Variants in PRKAR1B observed in about 807,000 individuals in gnomAD.
PRKAR1B encodes the protein protein kinase cAMP-dependent type I regulatory subunit beta.
In PRKAR1B, 22 loss-of-function variants were observed where a neutral mutation model predicts 46.5. That is an observed-to-expected ratio of 0.47 (90% CI 0.34 to 0.68). The LOEUF is 0.68. Among genes scored for constraint, PRKAR1B ranks in the 30% least tolerant of loss-of-function variants. The pLI, the probability that PRKAR1B is intolerant of heterozygous loss-of-function variation, is 0.01. For missense variants in PRKAR1B, 445 were observed against 535.6 expected, an observed-to-expected ratio of 0.83 and a Z score of 1.67; for synonymous variants, 259 against 217.7, an observed-to-expected ratio of 1.19 and a Z score of -1.67.
At chr7:572,037 T>TCCTGGGG (rs544185534) in intron 9 of PRKAR1B, among the ~76,000 whole-genome samples, 1 of 152,174 alleles carries the variant, frequency 6.6e-6, no homozygotes, top group Non-Finnish European at 1.5e-5. Context: ...CATTTAGAGC[T>TCCTGGGG]CCTGGGGCCT....
At chr7:635,806 T>C (rs1404238768) in intron 4 of PRKAR1B, among the ~76,000 whole-genome samples, 1 of 151,956 alleles carries the variant, frequency 6.6e-6, no homozygotes, top group Non-Finnish European at 1.5e-5. Flanking sequence ...TTGGTCCAAA[T>C]CACAGCTCCG....
chr7:691,609 C>T (rs1338530187), intron 2 of PRKAR1B: 16 of 1,303,902 alleles, frequency 1.2e-5, no homozygotes, highest in East Asian at 5.5e-5. Context: ...GTGAGGTGGA[C>T]GCCCTGCCGT....
At chr7:686,856 C>G (rs780559943) in intron 2 of PRKAR1B, among the ~76,000 whole-genome samples, 20 of 152,082 alleles carry the variant, frequency 1.3e-4, no homozygotes, top group Non-Finnish European at 2.1e-4. Flanking sequence ...GAGGTTTCAA[C>G]ACATTTGCAG....
chr7:583,426 G>GCACACGTGCA (rs1780336437), intron 8 of PRKAR1B, among the ~76,000 whole-genome samples: 1 of 52,382 alleles, frequency 1.9e-5, no homozygotes, highest in African/African-American at 9.0e-5. Context: ...ACGCACACAC[G>GCACACGTGCA]CACACACCCA....
chr7:701,510 G>C (rs1780068971), intron 2 of PRKAR1B, among the ~76,000 whole-genome samples: 1 of 152,002 alleles, frequency 6.6e-6, no homozygotes, highest in African/African-American at 2.4e-5. Flanking sequence ...ATGTTGAAAG[G>C]TATAAATATT....
chr7:637,262 T>C (rs1013922570), intron 4 of PRKAR1B, among the ~76,000 whole-genome samples: 1 of 151,660 alleles, frequency 6.6e-6, no homozygotes, highest in African/African-American at 2.4e-5. Flanking sequence ...TAACTAAAAA[T>C]ACAAAAATTA....
intron 4 of PRKAR1B, among the ~76,000 whole-genome samples, chr7:657,445 T>C (rs1168911324): frequency 3.3e-5 from 5 of 152,186 alleles, no homozygotes; most frequent in Admixed American, 6.5e-5. Context: ...GAATGATTCA[T>C]GCTGACCTCT....
intron 2 of PRKAR1B, among the ~76,000 whole-genome samples, chr7:699,619 C>A (rs1779955476): frequency 6.6e-6 from 1 of 152,256 alleles, no homozygotes; most frequent in Non-Finnish European, 1.5e-5. Flanking sequence ...AAGACAGGGT[C>A]GTGGTGAGAG....
chr7:583,398 CCA>C (rs1780327504), intron 8 of PRKAR1B, among the ~76,000 whole-genome samples: 1 of 149,312 alleles, frequency 6.7e-6, no homozygotes, highest in South Asian at 2.2e-4. Context: ...CTCACACCCC[CCA>C]CACGTGTGCA....
chr7:727,244 TG>T lies in PRKAR1B; in HGVS notation c.-58del. ...GCTCTGCGCGCGCTGCGCTGCTCCCTGCTCGACCCCTTCGCCGCCGTGCGCC... is the reference window on the plus strand; with the variant it reads ...GCTCTGCGCGCGCTGCGCTGCTCCCTCTCGACCCCTTCGCCGCCGTGCGCC... On this transcript the variant is annotated 5_prime_UTR_variant, in exon 1 of 11. Coordinates refer to ENST00000537384, the MANE Select transcript of PRKAR1B (RefSeq NM_001164760.2). 1 of 1,349,526 alleles carries T rather than the reference TG, an allele frequency of 7.4e-7. No individual in the cohort carries two copies. Among genetic ancestry groups the T allele is most frequent in the South Asian group, 1.7e-5 (1 of 57,286 alleles). 83.6% of individuals were successfully genotyped at this position (1,349,526 alleles called of 1,614,324 possible).
intron 4 of PRKAR1B, among the ~76,000 whole-genome samples, chr7:633,756 C>A (rs985658355): frequency 6.6e-6 from 1 of 152,160 alleles, no homozygotes; most frequent in Non-Finnish European, 1.5e-5. Flanking sequence ...AGGAGCTGCC[C>A]ACCTTGGAAA....
At chr7:617,813 C>T (rs1782913775) in intron 4 of PRKAR1B, among the ~76,000 whole-genome samples, 1 of 152,214 alleles carries the variant, frequency 6.6e-6, no homozygotes, top group Admixed American at 6.5e-5. Flanking sequence ...GGAAAGCAAA[C>T]CCCTCCTGGG....
At chr7:570,341 T>C (rs902866139) in intron 9 of PRKAR1B, among the ~76,000 whole-genome samples, 2 of 152,188 alleles carry the variant, frequency 1.3e-5, no homozygotes, top group Admixed American at 6.5e-5. Flanking sequence ...CAGAATGTTA[T>C]AAAGCGACTT....
At chr7:643,709 G>A (rs187283597) in intron 4 of PRKAR1B, among the ~76,000 whole-genome samples, 91 of 151,640 alleles carry the variant, frequency 6.0e-4, no homozygotes, top group African/African-American at 7.3e-5. Flanking sequence ...GCGACAGAGC[G>A]AGACTCCATC....
chr7:652,350 C>T (rs974034462), intron 4 of PRKAR1B, among the ~76,000 whole-genome samples: 20 of 150,608 alleles, frequency 1.3e-4, no homozygotes, highest in Admixed American at 1.3e-3. Flanking sequence ...CACACCCACA[C>T]AGAGCTAGGA....
At chr7:613,291 T>C (rs1782630393) in intron 4 of PRKAR1B, among the ~76,000 whole-genome samples, 2 of 151,800 alleles carry the variant, frequency 1.3e-5, no homozygotes, top group African/African-American at 2.4e-5. Flanking sequence ...TAATTTTCTA[T>C]AATTACATTG....
chr7:694,024 C>T (rs1437751251), intron 2 of PRKAR1B, among the ~76,000 whole-genome samples: 1 of 152,210 alleles, frequency 6.6e-6, no homozygotes, highest in Non-Finnish European at 1.5e-5. Flanking sequence ...GTGGCTCACG[C>T]CTGTAATCCC....
At chr7:567,548 C>T (rs1461770676) in intron 9 of PRKAR1B, among the ~76,000 whole-genome samples, 16 of 128,002 alleles carry the variant, frequency 1.2e-4, no homozygotes, top group African/African-American at 3.1e-4. Context: ...TCACCATCAT[C>T]ATCACCATCA....
At chr7:566,487 CACT>C (rs1302429593) in intron 9 of PRKAR1B, among the ~76,000 whole-genome samples, 21 of 151,998 alleles carry the variant, frequency 1.4e-4, no homozygotes, top group African/African-American at 5.1e-4. Context: ...TCATCATCAT[CACT>C]ATCATCACCT....
Sources: gnomAD v4.1 joint callset for allele counts (sites outside exome capture counted in the v4.1 genomes callset) on GRCh38, gnomAD v4.1.1 for gene constraint, MANE v1.5 for transcripts, NCBI Gene and HGNC (gene_info 2026-07-23, HGNC 2026-07-21) for gene names.